Variants in POGK observed in about 807,000 individuals in gnomAD.
POGK encodes pogo transposable element derived with KRAB domain, also known as pogo transposable element with KRAB domain.
A neutral mutation model predicts 54.4 loss-of-function variants in POGK; 16 were observed. That is an observed-to-expected ratio of 0.29 (90% CI 0.20 to 0.45). POGK has a LOEUF of 0.45. Among genes scored for constraint, POGK ranks in the 20% least tolerant of loss-of-function variants. The pLI, the probability that POGK is intolerant of heterozygous loss-of-function variation, is 1.00. For missense variants in POGK, 515 were observed against 795.6 expected, an observed-to-expected ratio of 0.65 and a Z score of 4.24; for synonymous variants, 271 against 302.2, an observed-to-expected ratio of 0.90 and a Z score of 1.07.
At position 166,849,424 on chromosome 1, in the gene POGK, G is replaced by A. The variant is rs1313917783; in HGVS notation, c.845G>A (p.Arg282Gln). 13 of 1,614,116 alleles carry A rather than the reference G, an allele frequency of 8.1e-6. No individual in the cohort carries two copies. Among genetic ancestry groups the A allele is most frequent in the Admixed American group, 1.7e-5 (1 of 60,016 alleles). Residue 282 changes from arginine (R) to glutamine (Q), a missense_variant, in exon 5 of 6, where the codon CGG becomes CAG. Physicochemically the swap from Arg to Gln is conservative, Grantham distance 43. Coordinates refer to ENST00000367876, the MANE Select transcript of POGK (RefSeq NM_017542.5). The stretch of plus-strand genomic sequence containing the variant: ...CAGGCCAAAGGGGACCCCATCACCC[G>A]GGAGGCGATGCAGCTGAAAGCTCTC... Reference protein sequence around the residue: ...YMQAKGDPITREAMQLKALEI... With the variant: ...YMQAKGDPITQEAMQLKALEI...
chr1:166,855,075 G>C lies in POGK; in HGVS notation c.*2505G>C, dbSNP rs1439686120. 4 of 150,756 alleles carry C rather than the reference G, an allele frequency of 2.7e-5. No individual in the cohort carries two copies. Among genetic ancestry groups the C allele is most frequent in the African/African-American group, 7.5e-5 (3 of 40,108 alleles). The allele number at this position is 150,756 out of a possible 1,614,324, so 9.3% of individuals were successfully genotyped here. A position where few individuals can be genotyped will look rare whatever the true frequency, so the allele number is the denominator to read the frequency against. On this transcript the variant is annotated 3_prime_UTR_variant, in exon 6 of 6. Coordinates refer to ENST00000367876, the MANE Select transcript of POGK (RefSeq NM_017542.5). ...ATGGAAAGGAAAAGTGTTTGTCCTTGGTTGATCAGAGAAGTGGGTGATAAG... is the reference window on the plus strand; with the variant it reads ...ATGGAAAGGAAAAGTGTTTGTCCTTCGTTGATCAGAGAAGTGGGTGATAAG...
chr1:166,840,904 G>A lies in POGK; in HGVS notation c.-2-51G>A, dbSNP rs933627302. On this transcript the variant is annotated intron_variant, in intron 1 of 5. Transcript: ENST00000367876. ...CTCAGCCTCCCCCATCATAGGCTTTGGGGAGGTCACAGTGACACCTGGTTT... is the reference window on the plus strand; with the variant it reads ...CTCAGCCTCCCCCATCATAGGCTTTAGGGAGGTCACAGTGACACCTGGTTT... 19 of 1,607,002 alleles carry A rather than the reference G, an allele frequency of 1.2e-5. No homozygotes were observed. The Admixed American group carries it at 2.2e-4, about 18-fold the overall frequency.
chr1:166,846,493 C>T, intron 2 of POGK, 119 bp from the exon 3 acceptor site: 1 of 1,322,694 alleles, frequency 7.6e-7, no homozygotes, highest in East Asian at 2.3e-5. Flanking sequence ...GGGTCAGGGT[C>T]CCTCACCTGA....
At chr1:166,850,485 TTC>T in intron 5 of POGK, 62 bp downstream of exon 5, 1 of 1,485,830 alleles carries the variant, frequency 6.7e-7, no homozygotes. Flanking sequence ...TACAAACACC[TTC>T]TCTCCATTAT....
intron 5 of POGK, chr1:166,850,813 C>T (rs1010448916): frequency 6.2e-6 from 1 of 161,498 alleles, no homozygotes; most frequent in African/African-American, 2.4e-5. Flanking sequence ...CACTACCCCG[C>T]ACTTCCTGGG....
intron 2 of POGK, 96 bp from the exon 3 acceptor site, chr1:166,846,516 C>G: frequency 6.6e-7 from 1 of 1,504,520 alleles, no homozygotes; most frequent in Non-Finnish European, 9.1e-7. Context: ...TGTGAGAGGA[C>G]AGGCTGTGCT....
chr1:166,847,688 G>C, intron 4 of POGK, 96 bp downstream of exon 4: 1 of 934,544 alleles, frequency 1.1e-6, no homozygotes, highest in Non-Finnish European at 1.6e-6. Flanking sequence ...AGAGGTAGAA[G>C]GATTATGGGT....
chr1:166,847,376 T>C (rs1309005328), intron 3 of POGK, 118 bp from the exon 4 acceptor site: 4 of 734,148 alleles, frequency 5.4e-6, no homozygotes, highest in South Asian at 2.1e-5. Flanking sequence ...TGAGCCTTTT[T>C]CCCCTTGTTT....
intron 2 of POGK, among the ~76,000 whole-genome samples, chr1:166,845,408 A>C (rs1431557373): frequency 6.6e-6 from 1 of 151,286 alleles, no homozygotes; most frequent in African/African-American, 2.4e-5. Flanking sequence ...GGCCCATTGC[A>C]GGGAATAAAT....
At chr1:166,842,499 G>A (rs560401568) in intron 2 of POGK, among the ~76,000 whole-genome samples, 4 of 152,208 alleles carry the variant, frequency 2.6e-5, no homozygotes, top group Non-Finnish European at 5.9e-5. Flanking sequence ...GTAAACATAA[G>A]TAATAGTAAG....
At chr1:166,844,988 G>C (rs1657780655) in intron 2 of POGK, among the ~76,000 whole-genome samples, 1 of 152,150 alleles carries the variant, frequency 6.6e-6, no homozygotes, top group African/African-American at 2.4e-5. Flanking sequence ...AAGGTGTGGG[G>C]GCGTTGGGGA....
At position 166,849,552 on chromosome 1, in the gene POGK, G is replaced by A. The variant is rs1657974831; in HGVS notation, c.973G>A (p.Val325Met). The change falls in exon 5 of 6, where the codon GTG (valine) becomes ATG (methionine). Residue 325 changes from valine to methionine, a missense_variant. Val to Met is a conservative substitution (Grantham distance 21). Coordinates refer to ENST00000367876, the MANE Select transcript of POGK (RefSeq NM_017542.5). The part of the protein sequence containing the change: ...RRYDLSLRHK[V>M]PVPQHLPEDL... Reference sequence around the variant, plus strand: ...GTATGACCTGTCTCTGAGGCATAAAGTGCCCGTGCCCCAGCACCTGCCGGA... The same window carrying A: ...GTATGACCTGTCTCTGAGGCATAAAATGCCCGTGCCCCAGCACCTGCCGGA... The A allele has an allele frequency of 6.2e-7, 1 of 1,614,292 alleles. No individual in the cohort carries two copies. Among genetic ancestry groups the A allele is most frequent in the Non-Finnish European group, 8.5e-7 (1 of 1,180,058 alleles).
At position 166,856,122 on chromosome 1, in the gene POGK, G is replaced by T. The variant is rs1429503901; in HGVS notation, c.*3552G>T. The T allele has an allele frequency of 6.6e-6, 1 of 151,376 alleles. No homozygotes were observed. Among genetic ancestry groups the T allele is most frequent in the African/African-American group, 2.4e-5 (1 of 41,152 alleles). 9.4% of individuals were successfully genotyped at this position (151,376 alleles called of 1,614,324 possible). A position where few individuals can be genotyped will look rare whatever the true frequency, so the allele number is the denominator to read the frequency against. On this transcript the variant is annotated 3_prime_UTR_variant, in exon 6 of 6. Coordinates refer to ENST00000367876, the MANE Select transcript of POGK (RefSeq NM_017542.5). ...AGGTGGGCAGACTGCTTGAGCTCAG[G>T]AGTTCATTACCAGTCTGGGCAACAT...
Position 166,841,041 on chromosome 1 carries a change from G to C in POGK, c.85G>C (p.Gly29Arg). 6 of 1,614,090 alleles carry C rather than the reference G, an allele frequency of 3.7e-6. No homozygotes were observed. The highest frequency in any genetic ancestry group is 5.1e-6 in the Non-Finnish European group (6 of 1,180,018). ...EEIQSRELED[G>R]PADMQKVRIC... The stretch of plus-strand genomic sequence containing the variant: ...GATTCAGAGCCGGGAACTAGAGGAC[G>C]GCCCGGCAGACATGCAGAAAGTACG... The change falls in exon 2 of 6, where the codon GGC becomes CGC. Residue 29 changes from glycine to arginine, a missense_variant. Physicochemically the swap from Gly to Arg is moderately radical, Grantham distance 125. Coordinates refer to ENST00000367876, the MANE Select transcript of POGK (RefSeq NM_017542.5).
intron 5 of POGK, chr1:166,851,508 C>G (rs1658065770): frequency 6.6e-6 from 1 of 152,076 alleles, no homozygotes; most frequent in South Asian, 2.1e-4. Flanking sequence ...GGGCTGAGGA[C>G]AATAGGCCTG....
At chr1:166,844,707 A>G (rs1205742859) in intron 2 of POGK, among the ~76,000 whole-genome samples, 2 of 152,226 alleles carry the variant, frequency 1.3e-5, no homozygotes, top group African/African-American at 4.8e-5. Flanking sequence ...GGCTTAGGGA[A>G]GCAAAAAGGA....
intron 5 of POGK, chr1:166,851,488 A>T (rs139312296): frequency 6.6e-6 from 1 of 152,280 alleles, no homozygotes; most frequent in East Asian, 1.9e-4. Flanking sequence ...CGTATCTAGG[A>T]CTCTAGTGAG....
chr1:166,851,183 G>A (rs770783554), intron 5 of POGK: 3 of 152,116 alleles, frequency 2.0e-5, no homozygotes, highest in Non-Finnish European at 2.9e-5. Context: ...TGACATGCTG[G>A]GACAGTTGTA....
At chr1:166,847,879 C>T (rs1420551180) in intron 4 of POGK, among the ~76,000 whole-genome samples, 1 of 152,058 alleles carries the variant, frequency 6.6e-6, no homozygotes, top group Non-Finnish European at 1.5e-5. Flanking sequence ...TCTAGTGCAC[C>T]TTCTGGCTGA....
Sources: gnomAD v4.1 joint callset for allele counts (sites outside exome capture counted in the v4.1 genomes callset) on GRCh38, gnomAD v4.1.1 for gene constraint, MANE v1.5 for transcripts, NCBI Gene and HGNC (gene_info 2026-07-23, HGNC 2026-07-21) for gene names.